Variants in DLGAP1 observed in about 807,000 individuals in gnomAD.
The protein encoded by DLGAP1 is DLG associated protein 1, also known as disks large-associated protein 1.
In DLGAP1, 11 loss-of-function variants were observed where a neutral mutation model predicts 90.8. The observed-to-expected ratio is 0.12, with a 90% confidence interval of 0.08 to 0.20. The LOEUF (loss-of-function observed/expected upper bound fraction) is 0.20, where lower values mean the gene tolerates loss of function less well. DLGAP1 is among the 10% of genes least tolerant of loss of function. The pLI is 1.00. For synonymous variants in DLGAP1, 558 were observed against 540.7 expected, an observed-to-expected ratio of 1.03 and a Z score of -0.44; for missense variants, 1,050 against 1,333.8, an observed-to-expected ratio of 0.79 and a Z score of 3.31.
At chr18:4,339,762 T>C (rs8093551) in intron 1 of DLGAP1, among the ~76,000 whole-genome samples, 105,746 of 152,070 alleles carry the variant, frequency 0.7, 36,922 homozygotes, top group Non-Finnish European at 0.71. Flanking sequence ...AAATACAGCA[T>C]TGAATAGCAA....
chr18:4,428,280 T>A (rs550777237), intron 1 of DLGAP1, among the ~76,000 whole-genome samples: 1 of 152,232 alleles, frequency 6.6e-6, no homozygotes, highest in South Asian at 2.1e-4. Context: ...AGATCTAGTG[T>A]TTAAAAGTGT....
At chr18:4,316,266 A>C (rs1205660938) in intron 1 of DLGAP1, among the ~76,000 whole-genome samples, 2 of 152,032 alleles carry the variant, frequency 1.3e-5, no homozygotes, top group Non-Finnish European at 2.9e-5. Flanking sequence ...AATGACAGTA[A>C]CCGCCTATTA....
intron 4 of DLGAP1, chr18:3,845,457 T>C (rs962733862): frequency 6.0e-6 from 8 of 1,331,550 alleles, no homozygotes; most frequent in East Asian, 5.3e-5. Flanking sequence ...TTCATTCATA[T>C]AAAGATACTT....
At chr18:4,064,223 C>T (rs2075339228) in intron 2 of DLGAP1, among the ~76,000 whole-genome samples, 1 of 151,736 alleles carries the variant, frequency 6.6e-6, no homozygotes, top group Admixed American at 6.6e-5. Context: ...TCTTTTACAC[C>T]CTCCAATCAG....
intron 1 of DLGAP1, among the ~76,000 whole-genome samples, chr18:4,255,765 C>T (rs2078876282): frequency 1.3e-5 from 2 of 151,888 alleles, no homozygotes; most frequent in South Asian, 4.1e-4. Context: ...CTATACTTTT[C>T]CCCAAATAAA....
At chr18:3,662,291 A>T (rs1460412) in intron 7 of DLGAP1, among the ~76,000 whole-genome samples, 1,865 of 152,292 alleles carry the variant, frequency 0.012, 40 homozygotes, top group African/African-American at 0.043. Context: ...AATACCTTTT[A>T]ATGACTGTAG....
chr18:4,069,760 C>T (rs2075420875), intron 2 of DLGAP1, among the ~76,000 whole-genome samples: 1 of 152,152 alleles, frequency 6.6e-6, no homozygotes, highest in African/African-American at 2.4e-5. Flanking sequence ...AAATAAATTA[C>T]CCAGTCTCAG....
chr18:4,107,030 C>CT (rs749163623), intron 2 of DLGAP1, among the ~76,000 whole-genome samples: 8 of 152,202 alleles, frequency 5.3e-5, no homozygotes, highest in Non-Finnish European at 1.0e-4. Flanking sequence ...ACTAGATTTA[C>CT]TTTAACACTT....
intron 1 of DLGAP1, among the ~76,000 whole-genome samples, chr18:4,451,451 A>G (rs3913841): frequency 0.011 from 1,630 of 152,294 alleles, 28 homozygotes; most frequent in African/African-American, 0.037. Context: ...TATCTCATAC[A>G]ATCGGTTATC....
At chr18:3,700,933 C>G (rs112676357) in intron 7 of DLGAP1, among the ~76,000 whole-genome samples, 1 of 152,268 alleles carries the variant, frequency 6.6e-6, no homozygotes, top group Non-Finnish European at 1.5e-5. Context: ...GGCTGGAATG[C>G]AGTAGTGGGA....
chr18:4,453,813 C>T (rs1318030824), intron 1 of DLGAP1, among the ~76,000 whole-genome samples: 1 of 152,218 alleles, frequency 6.6e-6, no homozygotes, highest in Non-Finnish European at 1.5e-5. Context: ...CCTCCCACGA[C>T]CGGGAGTCAG....
chr18:4,228,758 G>A (rs1426759119), intron 1 of DLGAP1, among the ~76,000 whole-genome samples: 1 of 151,890 alleles, frequency 6.6e-6, no homozygotes. Context: ...AAAACTGAAA[G>A]CCTAGCCTCT....
chr18:3,976,747 T>G (rs2073589068), intron 3 of DLGAP1, among the ~76,000 whole-genome samples: 1 of 152,240 alleles, frequency 6.6e-6, no homozygotes, highest in Non-Finnish European at 1.5e-5. Context: ...AAGGCATGAA[T>G]CTATTTTTAG....
At chr18:3,570,525 C>T (rs539740681) in intron 8 of DLGAP1, among the ~76,000 whole-genome samples, 6 of 151,958 alleles carry the variant, frequency 3.9e-5, no homozygotes, top group South Asian at 2.1e-4. Context: ...CTGATCTGCC[C>T]GCCTCAGCCT....
intron 4 of DLGAP1, among the ~76,000 whole-genome samples, chr18:3,819,063 G>A (rs1446966547): frequency 6.6e-6 from 1 of 151,392 alleles, no homozygotes; most frequent in Non-Finnish European, 1.5e-5. Context: ...TGTAATTCCA[G>A]CACTTTGGGA....
intron 3 of DLGAP1, among the ~76,000 whole-genome samples, chr18:3,890,173 T>C (rs1256493641): frequency 1.3e-5 from 2 of 152,232 alleles, no homozygotes; most frequent in African/African-American, 2.4e-5. Context: ...GTCTCTGAAG[T>C]GGCCCCAACA....
At chr18:3,646,380 G>C (rs2059116069) in intron 7 of DLGAP1, among the ~76,000 whole-genome samples, 1 of 151,838 alleles carries the variant, frequency 6.6e-6, no homozygotes, top group South Asian at 2.1e-4. Flanking sequence ...GCAAGATCCT[G>C]TTTCCAAAAA....
At chr18:3,763,180 C>A (rs530375790) in intron 5 of DLGAP1, among the ~76,000 whole-genome samples, 1 of 152,282 alleles carries the variant, frequency 6.6e-6, no homozygotes, top group East Asian at 1.9e-4. Flanking sequence ...GCCAGCCCAG[C>A]CAGAATAAAA....
At chr18:4,357,135 G>C (rs890508407) in intron 1 of DLGAP1, among the ~76,000 whole-genome samples, 2 of 135,216 alleles carry the variant, frequency 1.5e-5, no homozygotes, top group African/African-American at 5.4e-5. Context: ...TTCTTTCTTT[G>C]TTCTTTCTCT....
Sources: gnomAD v4.1 joint callset for allele counts (sites outside exome capture counted in the v4.1 genomes callset) on GRCh38, gnomAD v4.1.1 for gene constraint, MANE v1.5 for transcripts, NCBI Gene and HGNC (gene_info 2026-07-23, HGNC 2026-07-21) for gene names.